Variants in ST18 observed in about 807,000 individuals in gnomAD.
The protein encoded by ST18 is suppression of tumorigenicity 18 protein.
ST18 carries 50 observed loss-of-function variants against 110.0 expected under a neutral mutation model. That is an observed-to-expected ratio of 0.45 (90% CI 0.36 to 0.58). The LOEUF (loss-of-function observed/expected upper bound fraction) is 0.58, where lower values mean the gene tolerates loss of function less well. Among genes scored for constraint, ST18 ranks in the 20% least tolerant of loss-of-function variants. The probability of loss-of-function intolerance (pLI) is 0.00; values close to 1 mark genes in which losing one functional copy is unlikely to be tolerated. For synonymous variants in ST18, 461 were observed against 452.4 expected, an observed-to-expected ratio of 1.02 and a Z score of -0.24; for missense variants, 1,306 against 1,280.1, an observed-to-expected ratio of 1.02 and a Z score of -0.31.
At chr8:52,250,393 G>T (rs917067371) in intron 2 of ST18, among the ~76,000 whole-genome samples, 2 of 131,192 alleles carry the variant, frequency 1.5e-5, no homozygotes, top group Non-Finnish European at 3.1e-5. Flanking sequence ...ACACCACGAG[G>T]CCGTTTTCCT....
intron 2 of ST18, among the ~76,000 whole-genome samples, chr8:52,290,981 A>T (rs1200810453): frequency 6.6e-6 from 1 of 152,198 alleles, no homozygotes; most frequent in Non-Finnish European, 1.5e-5. Context: ...CAGCTTAAAA[A>T]GCATCTCCCT....
intron 2 of ST18, among the ~76,000 whole-genome samples, chr8:52,255,546 T>A (rs1420325334): frequency 1.3e-5 from 2 of 152,132 alleles, no homozygotes; most frequent in Non-Finnish European, 2.9e-5. Flanking sequence ...TCTACAAGAC[T>A]TTTCATACTA....
At chr8:52,270,828 T>G (rs773173308) in intron 2 of ST18, among the ~76,000 whole-genome samples, 3 of 152,172 alleles carry the variant, frequency 2.0e-5, no homozygotes, top group Non-Finnish European at 4.4e-5. Context: ...TGCAAATTTA[T>G]TAAAATCGAT....
At chr8:52,326,848 G>A (rs1332485598) in intron 2 of ST18, among the ~76,000 whole-genome samples, 4 of 152,170 alleles carry the variant, frequency 2.6e-5, no homozygotes, top group African/African-American at 9.7e-5. Flanking sequence ...ATATGTCACA[G>A]CTTCTCACAG....
intron 2 of ST18, among the ~76,000 whole-genome samples, chr8:52,324,506 G>A (rs1205125619): frequency 1.3e-5 from 2 of 152,110 alleles, no homozygotes; most frequent in Non-Finnish European, 2.9e-5. Flanking sequence ...ATAGCAAAAA[G>A]ACAAGGCTCT....
rs139151391 is a variant in ST18 at position 52,405,777 on chromosome 8, T to C, written c.-465+3551A>G. ...TTAAAAATCTGCCTACTTAGACACA[T>C]TTCAATGGAATGTTTACATCTCAGT... On this transcript the variant is annotated intron_variant, in intron 2 of 25. Transcript: ENST00000689386. 14 of 152,252 alleles carry C rather than the reference T, an allele frequency of 9.2e-5. No homozygotes were observed. The East Asian group carries it at 2.5e-3, about 27-fold the overall frequency. 9.4% of individuals were successfully genotyped at this position (152,252 alleles called of 1,614,324 possible).
intron 23 of ST18, among the ~76,000 whole-genome samples, chr8:52,122,789 C>T (rs2045492963): frequency 1.3e-5 from 2 of 151,632 alleles, no homozygotes; most frequent in African/African-American, 2.4e-5. Context: ...CCCGGCCGAA[C>T]TTTTATTTTT....
intron 3 of ST18, among the ~76,000 whole-genome samples, chr8:52,228,629 G>A (rs1286338586): frequency 6.6e-6 from 1 of 152,104 alleles, no homozygotes; most frequent in Non-Finnish European, 1.5e-5. Flanking sequence ...GCACTCTTGT[G>A]AGAATTTGTA....
intron 2 of ST18, among the ~76,000 whole-genome samples, chr8:52,388,973 T>TTAAA (rs1554865844): frequency 7.0e-6 from 1 of 142,694 alleles, no homozygotes; most frequent in African/African-American, 2.6e-5. Flanking sequence ...AATAATAATT[T>TTAAA]AAAAAAAAAA....
intron 2 of ST18, among the ~76,000 whole-genome samples, chr8:52,284,652 G>A (rs2095439155): frequency 6.6e-6 from 1 of 151,892 alleles, no homozygotes; most frequent in Non-Finnish European, 1.5e-5. Context: ...TAGAACAGCA[G>A]GTTCAAGAAG....
intron 2 of ST18, among the ~76,000 whole-genome samples, chr8:52,314,044 T>C (rs2095976205): frequency 6.6e-6 from 1 of 152,172 alleles, no homozygotes; most frequent in Non-Finnish European, 1.5e-5. Context: ...AAGGCCAGAC[T>C]CTTCCCTGGT....
chr8:52,254,068 T>G (rs1405124920), intron 2 of ST18, among the ~76,000 whole-genome samples: 1 of 151,150 alleles, frequency 6.6e-6, no homozygotes, highest in East Asian at 1.9e-4. Flanking sequence ...GAAACAGAAG[T>G]TCAAAACAAA....
chr8:52,268,331 G>A (rs2094939901), intron 2 of ST18, among the ~76,000 whole-genome samples: 1 of 152,112 alleles, frequency 6.6e-6, no homozygotes, highest in South Asian at 2.1e-4. Context: ...TTAAAAGCTC[G>A]AGCATACCAA....
chr8:52,390,289 A>G (rs1358331360), intron 2 of ST18, among the ~76,000 whole-genome samples: 1 of 152,108 alleles, frequency 6.6e-6, no homozygotes, highest in Non-Finnish European at 1.5e-5. Context: ...GTGCTGATCT[A>G]AAGTCTGACT....
At chr8:52,384,765 A>T (rs573218876) in intron 2 of ST18, among the ~76,000 whole-genome samples, 81 of 144,330 alleles carry the variant, frequency 5.6e-4, no homozygotes, top group African/African-American at 2.0e-3. Context: ...TTATACATTC[A>T]TTCCCCTATG....
chr8:52,353,866 C>T (rs1821474501), intron 2 of ST18, among the ~76,000 whole-genome samples: 1 of 152,250 alleles, frequency 6.6e-6, no homozygotes. Context: ...ACAGAGAATA[C>T]AGCTCCATCT....
chr8:52,116,301 G>A lies in ST18; in HGVS notation c.2977C>T (p.Leu993Phe), dbSNP rs761756701. ...ATCTGTGGAAGCTGGATGTCAGCAA[G>A]GCTTGAAATGAGAGCTTGGCTTAGA... The part of the protein sequence containing the change: ...AGLSQALISS[L>F]ADIQLPQMGP... The change falls in exon 25 of 26, where the codon CTT (leucine) becomes TTT (phenylalanine). Residue 993 changes from leucine (L) to phenylalanine (F), a missense_variant. By Grantham distance (22) the Leu-to-Phe change is conservative. Transcript: ENST00000689386. 6.2e-7 allele frequency: 1 copy of A among 1,613,870 alleles called. No individual in the cohort carries two copies. The highest frequency in any genetic ancestry group is 1.1e-5 in the South Asian group (1 of 91,032).
chr8:52,165,689 G>A (rs1402887181), intron 11 of ST18, among the ~76,000 whole-genome samples: 3 of 152,190 alleles, frequency 2.0e-5, no homozygotes, highest in African/African-American at 7.2e-5. Flanking sequence ...ACTGCCATTT[G>A]GTTACTGGGA....
chr8:52,275,151 A>G (rs1256092774), intron 2 of ST18, among the ~76,000 whole-genome samples: 1 of 152,190 alleles, frequency 6.6e-6, no homozygotes, highest in Non-Finnish European at 1.5e-5. Context: ...ATACTTAAAA[A>G]TAATTTAATG....
Sources: gnomAD v4.1 joint callset for allele counts (sites outside exome capture counted in the v4.1 genomes callset) on GRCh38, gnomAD v4.1.1 for gene constraint, MANE v1.5 for transcripts, NCBI Gene and HGNC (gene_info 2026-07-23, HGNC 2026-07-21) for gene names.